The following LRP8 variants were observed in gnomAD, a reference collection of about 807,000 sequenced individuals.
The protein encoded by LRP8 is low-density lipoprotein receptor-related protein 8.
LRP8 carries 46 observed loss-of-function variants against 111.6 expected under a neutral mutation model. That is an observed-to-expected ratio of 0.41 (90% CI 0.33 to 0.53). The LOEUF is 0.53. LRP8 is among the 20% of genes least tolerant of loss of function. The pLI is 0.20. For synonymous variants in LRP8, 464 were observed against 511.2 expected, an observed-to-expected ratio of 0.91 and a Z score of 1.24; for missense variants, 959 against 1,297.4, an observed-to-expected ratio of 0.74 and a Z score of 4.01.
chr1:53,325,463 G>T (rs542531240), intron 2 of LRP8, among the ~76,000 whole-genome samples: 1 of 152,326 alleles, frequency 6.6e-6, no homozygotes, highest in Admixed American at 6.5e-5. Context: ...TTCGCTTCTA[G>T]AACTGGTCCT....
chr1:53,321,459 G>C (rs1330976450), intron 2 of LRP8, among the ~76,000 whole-genome samples: 1 of 152,178 alleles, frequency 6.6e-6, no homozygotes, highest in Non-Finnish European at 1.5e-5. Flanking sequence ...CCTGGGAGTA[G>C]ACCACTAACC....
intron 2 of LRP8, among the ~76,000 whole-genome samples, chr1:53,304,352 C>T (rs761598318): frequency 6.6e-6 from 1 of 152,180 alleles, no homozygotes; most frequent in Non-Finnish European, 1.5e-5. Context: ...CAGGCCCACG[C>T]GCAGCCACTG....
intron 9 of LRP8, 40 bp from the exon 10 acceptor site, chr1:53,264,436 A>C: frequency 6.6e-7 from 1 of 1,522,182 alleles, no homozygotes; most frequent in Non-Finnish European, 9.0e-7. Context: ...CAGATGTTCC[A>C]CCCATGGGCC....
At position 53,250,374 on chromosome 1, in the gene LRP8, T is replaced by A. The variant is rs1019870635; in HGVS notation, c.2676+316A>T. 6.6e-6 allele frequency among the ~76,000 whole-genome samples: 1 copy of A among 152,332 alleles called. No homozygotes were observed. The highest frequency in any genetic ancestry group is 6.5e-5 in the Admixed American group (1 of 15,302). ...GCCTCTAGGTACAAGGTGGTCCTGA[T>A]ACCTTTTTACCTTAACCACCTACCC... On this transcript the variant is annotated intron_variant, in intron 17 of 18. Transcript: ENST00000306052. This position sits in a 1 kb window ranked among gnomAD's most constrained non-coding sequence, Gnocchi z 4.6.
chr1:53,280,705 C>T lies in LRP8; in HGVS notation c.378G>A (p.Val126=), dbSNP rs576493356. The change falls in exon 4 of 19, where the codon GTG becomes GTA. Residue 126 remains valine, a synonymous_variant. Coordinates refer to ENST00000306052, the MANE Select transcript of LRP8 (RefSeq NM_004631.5). ...CACAGCTCAGCTTCTCTGCAGGACACACCTGCTTGGCTGTGGAGACAGACG... is the reference window on the plus strand; with the variant it reads ...CACAGCTCAGCTTCTCTGCAGGACATACCTGCTTGGCTGTGGAGACAGACG... ...DESEATCTKQ[V]CPAEKLSCGP... 24 of 1,611,904 alleles carry T rather than the reference C, an allele frequency of 1.5e-5. No homozygotes were observed. The highest frequency in any genetic ancestry group is 6.7e-5 in the East Asian group (3 of 44,888).
At chr1:53,253,944 G>A (rs1645983705) in intron 16 of LRP8, among the ~76,000 whole-genome samples, 1 of 152,062 alleles carries the variant, frequency 6.6e-6, no homozygotes, top group Admixed American at 6.6e-5. Flanking sequence ...AAGACTGAAA[G>A]CTCTTAAAGT....
At chr1:53,297,770 AC>A (rs1353434124) in intron 2 of LRP8, among the ~76,000 whole-genome samples, 1 of 152,224 alleles carries the variant, frequency 6.6e-6, no homozygotes, top group Non-Finnish European at 1.5e-5. Context: ...CTAAGGAGTT[AC>A]ACAATTCTAA....
chr1:53,288,689 CAG>C (rs1401514197), intron 3 of LRP8, among the ~76,000 whole-genome samples: 1 of 151,862 alleles, frequency 6.6e-6, no homozygotes, highest in Non-Finnish European at 1.5e-5. Context: ...TACCCCTAAA[CAG>C]GGGCTCCTGG....
Position 53,264,321 on chromosome 1 carries a change from G to C in LRP8, c.1503C>G (p.Gly501=). ...LIDEQLHSPE[G]LAVDWVHKHI... is the part of the protein sequence containing the mutation. ...GCTTGTGGACCCAGTCCACTGCCAG[G>C]CCCTCTGGAGAGTGCAACTGCTCGT... Residue 501 remains glycine, a synonymous_variant, in exon 10 of 19, where the codon GGC becomes GGG. Transcript: ENST00000306052. The C allele has an allele frequency of 6.2e-7, 1 of 1,614,132 alleles. No individual in the cohort carries two copies. The highest frequency in any genetic ancestry group is 8.5e-7 in the Non-Finnish European group (1 of 1,180,006).
Position 53,317,071 on chromosome 1 carries a change from C to T in LRP8, c.244+9802G>A, listed in dbSNP as rs1653906099. 6.6e-6 allele frequency among the ~76,000 whole-genome samples: 1 copy of T among 151,996 alleles called. No homozygotes were observed. Among genetic ancestry groups the T allele is most frequent in the East Asian group, 1.9e-4 (1 of 5,168 alleles). On this transcript the variant is annotated intron_variant, in intron 2 of 18. Coordinates refer to ENST00000306052, the MANE Select transcript of LRP8 (RefSeq NM_004631.5). The surrounding 1 kb of genome is among the most constrained non-coding windows in gnomAD (Gnocchi z 4.9). ...AGCCCCTCCTCTGAAGCACACACCC[C>T]AAGCACACGCACATGTGCCCATGCC... is the stretch of plus-strand genomic sequence containing the variant.
In LRP8 at chr1:53,303,843, C is replaced by T. The variant is rs766633611; in HGVS notation, c.245-14154G>A. On this transcript the variant is annotated intron_variant, in intron 2 of 18. Transcript: ENST00000306052. This position sits in a 1 kb window ranked among gnomAD's most constrained non-coding sequence, Gnocchi z 4.3. ...TGCTCTCAGCGACAGGGGACTCAGT[C>T]AGCCGTGCTGGCTGGAGGCTGAACA... Among the ~76,000 whole-genome samples the T allele has an allele frequency of 2.0e-5, 3 of 152,242 alleles. No individual in the cohort carries two copies. The highest frequency in any genetic ancestry group is 2.9e-5 in the Non-Finnish European group (2 of 68,054).
Position 53,294,447 on chromosome 1 carries a change from G to A in LRP8, c.245-4758C>T, listed in dbSNP as rs933823737. On this transcript the variant is annotated intron_variant, in intron 2 of 18. Coordinates refer to ENST00000306052, the MANE Select transcript of LRP8 (RefSeq NM_004631.5). The surrounding 1 kb of genome is among the most constrained non-coding windows in gnomAD (Gnocchi z 4.1). The stretch of plus-strand genomic sequence containing the variant: ...TCCATGGTCTATCAAACTGCGCCCT[G>A]CCACTTGTAGGCTATGTGACCTTAC... 6.6e-6 allele frequency among the ~76,000 whole-genome samples: 1 copy of A among 152,228 alleles called. No homozygotes were observed. The highest frequency in any genetic ancestry group is 1.5e-5 in the Non-Finnish European group (1 of 68,042).
At position 53,289,550 on chromosome 1, in the gene LRP8, T is replaced by G. The variant is rs1422928256; in HGVS notation, c.367+17A>C. On this transcript the variant is annotated intron_variant, in intron 3 of 18. Coordinates refer to ENST00000306052, the MANE Select transcript of LRP8 (RefSeq NM_004631.5). ...AACTGAGGCCCACCCCCACCCAGAC[T>G]GAGGGGCAGGACTCACTGCAAGTGG... 13 of 1,587,234 alleles carry G rather than the reference T, an allele frequency of 8.2e-6. No individual in the cohort carries two copies. Among genetic ancestry groups the G allele is most frequent in the Admixed American group, 3.5e-5 (2 of 57,774 alleles).
At chr1:53,297,448 T>C (rs576528290) in intron 2 of LRP8, among the ~76,000 whole-genome samples, 3 of 152,098 alleles carry the variant, frequency 2.0e-5, no homozygotes, top group Non-Finnish European at 4.4e-5. Flanking sequence ...AGCACCCGCG[T>C]GTGGTGGGCG....
chr1:53,275,793 T>C lies in LRP8; in HGVS notation c.884-40A>G. ...CAAGGGGAGAGGATCAGAGTCAGTG[T>C]GGTGCTAGGACAATTTCCCCACCAC... On this transcript the variant is annotated intron_variant, in intron 5 of 18. Coordinates refer to ENST00000306052, the MANE Select transcript of LRP8 (RefSeq NM_004631.5). The surrounding 1 kb of genome is among the most constrained non-coding windows in gnomAD (Gnocchi z 4.4). The C allele has an allele frequency of 1.9e-6, 3 of 1,607,386 alleles. No homozygotes were observed. The South Asian group carries it at 3.3e-5, about 18-fold the overall frequency.
intron 3 of LRP8, chr1:53,289,360 G>C: frequency 1.8e-6 from 1 of 549,594 alleles, no homozygotes; most frequent in Non-Finnish European, 2.9e-6. Context: ...ACAGAAACAG[G>C]GTCCAACCTA....
intron 18 of LRP8, among the ~76,000 whole-genome samples, chr1:53,247,475 T>C (rs1645762530): frequency 6.6e-6 from 1 of 152,228 alleles, no homozygotes; most frequent in Non-Finnish European, 1.5e-5. Context: ...GTCTCTAGCA[T>C]GCTAATCACA....
chr1:53,271,903 G>A (rs1646771483), intron 6 of LRP8, among the ~76,000 whole-genome samples: 2 of 151,802 alleles, frequency 1.3e-5, no homozygotes, highest in African/African-American at 4.8e-5. Flanking sequence ...CTGCTGTGTG[G>A]GGTTGGCCAG....
At chr1:53,291,163 G>A (rs552945252) in intron 2 of LRP8, among the ~76,000 whole-genome samples, 1 of 152,284 alleles carries the variant, frequency 6.6e-6, no homozygotes, top group South Asian at 2.1e-4. Context: ...GGGTGATCTG[G>A]TGAGAGATAA....
Sources: gnomAD v4.1 joint callset for allele counts (sites outside exome capture counted in the v4.1 genomes callset) on GRCh38, gnomAD v4.1.1 for gene constraint, Gnocchi (gnomAD v3.1) non-coding constraint, MANE v1.5 for transcripts, NCBI Gene and HGNC (gene_info 2026-07-23, HGNC 2026-07-21) for gene names.